Variants in WNT7B observed in about 807,000 individuals in gnomAD.
The protein encoded by WNT7B is Wnt family member 7B, also known as protein Wnt-7b.
A neutral mutation model predicts 38.2 loss-of-function variants in WNT7B; 19 were observed. The observed-to-expected ratio is 0.50, with a 90% confidence interval of 0.35 to 0.73. The LOEUF (loss-of-function observed/expected upper bound fraction) is 0.73, where lower values mean the gene tolerates loss of function less well. Ranked by LOEUF, WNT7B falls within the 30% of genes least tolerant of loss-of-function variation. The pLI is 0.01. For synonymous variants in WNT7B, 243 were observed against 209.3 expected (o/e 1.16, Z -1.39); for missense variants, 423 against 507.9 (o/e 0.83, Z 1.61).
At chr22:45,930,383 C>T (rs1226673550) in intron 3 of WNT7B, among the ~76,000 whole-genome samples, 2 of 152,224 alleles carry the variant, frequency 1.3e-5, no homozygotes, top group African/African-American at 2.4e-5. Context: ...GGTGCAGCCC[C>T]CAGGCCTCGG....
intron 2 of WNT7B, among the ~76,000 whole-genome samples, chr22:45,932,935 G>A (rs934479992): frequency 2.6e-5 from 4 of 152,222 alleles, no homozygotes; most frequent in African/African-American, 4.8e-5. Context: ...GTGACAGCCC[G>A]CAGATAGAGA....
intron 1 of WNT7B, among the ~76,000 whole-genome samples, chr22:45,956,694 A>C (rs570259904): frequency 5.9e-5 from 9 of 152,364 alleles, no homozygotes; most frequent in African/African-American, 2.2e-4. Context: ...AGTGTGGTCC[A>C]TTCATGCAGC....
At chr22:45,926,827 C>G in intron 3 of WNT7B, 5 of 985,412 alleles carry the variant, frequency 5.1e-6, no homozygotes, top group Non-Finnish European at 6.0e-6. Context: ...AGCCACTGGC[C>G]GAGAAGGAGA....
intron 2 of WNT7B, among the ~76,000 whole-genome samples, chr22:45,944,719 C>T (rs142399396): frequency 3.9e-5 from 6 of 152,348 alleles, no homozygotes; most frequent in Admixed American, 3.3e-4. Flanking sequence ...GCTCACCCAT[C>T]GTGTCCTGGG....
rs1322610809 is a variant in WNT7B, at chr22:45,951,733, G to T, written c.72-1587C>A. 6.6e-6 allele frequency among the ~76,000 whole-genome samples: 1 copy of T among 152,084 alleles called. No homozygotes were observed. Among genetic ancestry groups the T allele is most frequent in the African/African-American group, 2.4e-5 (1 of 41,402 alleles). Reference sequence around the variant, plus strand: ...GGTCAGTGCTTCATGCGTTTGTAAGGCTGAGTGATATTCCATTGTGTGGAC... The same window carrying T: ...GGTCAGTGCTTCATGCGTTTGTAAGTCTGAGTGATATTCCATTGTGTGGAC... On this transcript the variant is annotated intron_variant, in intron 1 of 3. Transcript: ENST00000339464. This position sits in a 1 kb window ranked among gnomAD's most constrained non-coding sequence, Gnocchi z 4.8.
At chr22:45,932,516 C>T (rs940286502) in intron 2 of WNT7B, among the ~76,000 whole-genome samples, 1 of 152,018 alleles carries the variant, frequency 6.6e-6, no homozygotes, top group African/African-American at 2.4e-5. Flanking sequence ...CCAGCGGGGA[C>T]TTCCATATGG....
chr22:45,975,327 A>AC lies in WNT7B; in HGVS notation c.71+1356dup, dbSNP rs1300831939. Among the ~76,000 whole-genome samples, 12 of 151,804 alleles carry AC rather than the reference A, an allele frequency of 7.9e-5. No individual in the cohort carries two copies. Among genetic ancestry groups the AC allele is most frequent in the Non-Finnish European group, 1.2e-4 (8 of 67,914 alleles). ...AGGAAAAGAGCAGCCTGCCCACTCC[A>AC]CCCCCCGCCCAGCAGGCTCAATGCC... On this transcript the variant is annotated intron_variant, in intron 1 of 3. Coordinates refer to ENST00000339464, the MANE Select transcript of WNT7B (RefSeq NM_058238.3). This position sits in a 1 kb window ranked among gnomAD's most constrained non-coding sequence, Gnocchi z 6.6.
intron 1 of WNT7B, among the ~76,000 whole-genome samples, chr22:45,969,562 G>C (rs939186726): frequency 2.6e-5 from 4 of 152,244 alleles, no homozygotes; most frequent in Admixed American, 2.6e-4. Context: ...CAGAGAAGGC[G>C]AGGGCTGGCC....
intron 1 of WNT7B, among the ~76,000 whole-genome samples, chr22:45,971,119 G>A (rs1201796886): frequency 6.6e-6 from 1 of 151,738 alleles, no homozygotes. Context: ...GGGGGTGGGG[G>A]CGAGGCGATG....
chr22:45,925,293 C>A, intron 3 of WNT7B: 1 of 985,308 alleles, frequency 1.0e-6, no homozygotes, highest in Non-Finnish European at 1.2e-6. Context: ...AGGCTGGCAG[C>A]CTGGAGCTGG....
At chr22:45,935,796 G>T in intron 2 of WNT7B, 1 of 983,862 alleles carries the variant, frequency 1.0e-6, no homozygotes, top group African/African-American at 1.7e-5. Context: ...TTCAAAGCAG[G>T]AAGGGATTTG....
rs931363975 is a variant in WNT7B, at chr22:45,952,291, C to T, written c.72-2145G>A. Among the ~76,000 whole-genome samples, 2 of 152,318 alleles carry T rather than the reference C, an allele frequency of 1.3e-5. 1 individual carries two copies. Among genetic ancestry groups the T allele is most frequent in the Middle Eastern group, 6.8e-3 (2 of 294 alleles). The stretch of plus-strand genomic sequence containing the variant: ...CACCCACAGCCAGCTGGAAAGTCCC[C>T]GTGCGGCCTGAGCCCACAGCACGTG... On this transcript the variant is annotated intron_variant, in intron 1 of 3. Coordinates refer to ENST00000339464, the MANE Select transcript of WNT7B (RefSeq NM_058238.3).
chr22:45,961,581 G>A (rs1057435018), intron 1 of WNT7B, among the ~76,000 whole-genome samples: 7 of 151,412 alleles, frequency 4.6e-5, no homozygotes, highest in Non-Finnish European at 7.4e-5. Flanking sequence ...GGTGGGGGCC[G>A]GGGCAGTGCA....
chr22:45,931,512 G>GACTC (rs1931359201), intron 2 of WNT7B, 143 bp from the exon 3 acceptor site: 16 of 1,042,530 alleles, frequency 1.5e-5, no homozygotes, highest in Non-Finnish European at 2.2e-5. Context: ...CTGTGCCTCT[G>GACTC]ACTCACCAAA....
At position 45,976,366 on chromosome 22, in the gene WNT7B, C is replaced by T. The variant is rs1932551530; in HGVS notation, c.71+318G>A. On this transcript the variant is annotated intron_variant, in intron 1 of 3. Coordinates refer to ENST00000339464, the MANE Select transcript of WNT7B (RefSeq NM_058238.3). The surrounding 1 kb of genome is among the most constrained non-coding windows in gnomAD (Gnocchi z 8.5). The stretch of plus-strand genomic sequence containing the variant: ...GCAGCCCGGGGGAGGGAAGGCGCGT[C>T]CCACCCCCGGGGCCTGGAGCCCAAA... 6.6e-6 allele frequency among the ~76,000 whole-genome samples: 1 copy of T among 151,194 alleles called. No homozygotes were observed. The highest frequency in any genetic ancestry group is 1.5e-5 in the Non-Finnish European group (1 of 67,690).
At position 45,922,818 on chromosome 22, in the gene WNT7B, G is replaced by A. The variant is rs767814061; in HGVS notation, c.*38C>T. 40 of 1,561,692 alleles carry A rather than the reference G, an allele frequency of 2.6e-5. No individual in the cohort carries two copies. The highest frequency in any genetic ancestry group is 2.7e-5 in the African/African-American group (2 of 73,900). ...AGGAGTGGATGTGCAAAATGCCGCC[G>A]GGTTCCAGGGTGCCCGCGGCCGCCT... On this transcript the variant is annotated 3_prime_UTR_variant, in exon 4 of 4. Coordinates refer to ENST00000339464, the MANE Select transcript of WNT7B (RefSeq NM_058238.3).
rs1488409485 is a variant in WNT7B, at chr22:45,931,307, C to T, written c.361G>A (p.Ala121Thr). The change falls in exon 3 of 4, where the codon GCT (alanine) becomes ACT (threonine). Residue 121 changes from alanine (A) to threonine (T), a missense_variant. Ala to Thr is a moderately conservative substitution (Grantham distance 58). Around this residue, in one of 3 missense-constraint regions of WNT7B, gnomAD observed 133 missense variants for 179.8 expected, o/e 0.74. Coordinates refer to ENST00000339464, the MANE Select transcript of WNT7B (RefSeq NM_058238.3). Reference sequence around the variant, plus strand: ...CTCAGGTTCCCTTGGCTGCAGGCAGCGGTGACGGCGTGCGCCACGCCAGCC... The same window carrying T: ...CTCAGGTTCCCTTGGCTGCAGGCAGTGGTGACGGCGTGCGCCACGCCAGCC... ...TAAGVAHAVTAACSQGNLSNC... is the reference protein window; with the variant it reads ...TAAGVAHAVTTACSQGNLSNC... 22 of 1,597,288 alleles carry T rather than the reference C, an allele frequency of 1.4e-5. No individual in the cohort carries two copies. The highest frequency in any genetic ancestry group is 1.1e-5 in the South Asian group (1 of 91,002).
chr22:45,972,116 G>GGGGGCC, intron 1 of WNT7B: 23 of 530,684 alleles, frequency 4.3e-5, no homozygotes, highest in Admixed American at 1.7e-4. Context: ...CCCGGGGGGA[G>GGGGGCC]CCCACCCGCC....
chr22:45,952,067 A>G (rs1931946187), intron 1 of WNT7B, among the ~76,000 whole-genome samples: 1 of 152,180 alleles, frequency 6.6e-6, no homozygotes, highest in African/African-American at 2.4e-5. Flanking sequence ...GTTTCAGCAC[A>G]GCGCTTGGCT....
Sources: allele counts gnomAD v4.1 joint callset (sites outside exome capture counted in the v4.1 genomes callset), GRCh38; gene constraint gnomAD v4.1.1; regional missense constraint gnomAD v4.1.1; non-coding constraint Gnocchi (gnomAD v3.1); transcripts MANE v1.5; gene names NCBI Gene and HGNC (gene_info 2026-07-23, HGNC 2026-07-21).